Variants in LRRC34 observed in about 807,000 individuals in gnomAD.
The protein encoded by LRRC34 is leucine rich repeat containing 34.
A neutral mutation model predicts 48.5 loss-of-function variants in LRRC34; 44 were observed. The ratio of observed to expected loss-of-function variants is 0.91; its 90% CI spans 0.71 to 1.17. The LOEUF is 1.17. LRRC34 is among the 50% of genes most tolerant of loss of function. The pLI, the probability that LRRC34 is intolerant of heterozygous loss-of-function variation, is 0.00. For missense variants in LRRC34, 502 were observed against 563.0 expected (o/e 0.89, Z 1.10); for synonymous variants, 192 against 197.6 (o/e 0.97, Z 0.24).
intron 7 of LRRC34, among the ~76,000 whole-genome samples, chr3:169,798,859 C>T (rs929870704): frequency 1.3e-5 from 2 of 152,104 alleles, no homozygotes; most frequent in African/African-American, 4.8e-5. Context: ...CATGGCACCC[C>T]GGGCATATCA....
rs1778864452 is a variant in LRRC34 at position 169,793,398 on chromosome 3, C to G, written c.*237G>C. On this transcript the variant is annotated 3_prime_UTR_variant, in exon 11 of 11. Transcript: ENST00000446859. The stretch of plus-strand genomic sequence containing the variant: ...TATAAAAAGAAATTTAGTCTAGTTC[C>G]TTGGTCTCTTTCTCCAGGGTTAGAA... 2.7e-6 allele frequency: 1 copy of G among 369,734 alleles called. No individual in the cohort carries two copies. Among genetic ancestry groups the G allele is most frequent in the African/African-American group, 2.1e-5 (1 of 47,624 alleles). The allele number at this position is 369,734 out of a possible 1,614,324, so 22.9% of individuals were successfully genotyped here. A position where few individuals can be genotyped will look rare whatever the true frequency, so the allele number is the denominator to read the frequency against.
Position 169,795,727 on chromosome 3 carries a change from TACTG to T in LRRC34, c.1065-120_1065-117del, listed in dbSNP as rs377187346. 1.5e-5 allele frequency: 21 copies of T among 1,379,414 alleles called. No individual in the cohort carries two copies. The African/African-American group carries it at 2.8e-4, about 18-fold the overall frequency. 85.4% of individuals were successfully genotyped at this position (1,379,414 alleles called of 1,614,324 possible). A position where few individuals can be genotyped will look rare whatever the true frequency, so the allele number is the denominator to read the frequency against. On this transcript the variant is annotated intron_variant, in intron 9 of 10. Coordinates refer to ENST00000446859, the MANE Select transcript of LRRC34 (RefSeq NM_001172779.2). ...GTATGTTGTAATGTAGTGGTAAAAA[TACTG>T]ACCATTTAATTCCTAAAATCCAAGA...
intron 1 of LRRC34, among the ~76,000 whole-genome samples, chr3:169,810,865 G>A (rs1460142784): frequency 6.6e-6 from 1 of 152,218 alleles, no homozygotes; most frequent in East Asian, 1.9e-4. Flanking sequence ...AGGAGTTCGA[G>A]ACCAGCCTGG....
chr3:169,807,694 GA>G lies in LRRC34; in HGVS notation c.272del (p.Ile91ThrfsTer3), dbSNP rs762500714. 1 of 1,003,592 alleles carries G rather than the reference GA, an allele frequency of 1.0e-6. No individual in the cohort carries two copies. The highest frequency in any genetic ancestry group is 1.4e-6 in the Non-Finnish European group (1 of 693,090). The allele number at this position is 1,003,592 out of a possible 1,614,324, so 62.2% of individuals were successfully genotyped here. A position where few individuals can be genotyped will look rare whatever the true frequency, so the allele number is the denominator to read the frequency against. On this transcript the variant is annotated frameshift_variant, in exon 3 of 11. Transcript: ENST00000446859. LOFTEE classifies it high-confidence loss of function. ...GATTGTTACCAGCAATGTTTAATGT[GA>G]TTCCTGCTGCTAGCCTGTTAAAATA... ...EEIKKGLAAGITLNIAGNNRL... is the reference protein window; with the variant it reads ...EEIKKGLAAGXTLNIAGNNRL...
In LRRC34 at chr3:169,806,739, C is replaced by T. The variant is rs889247366; in HGVS notation, c.528+109G>A. 3.8e-5 allele frequency: 23 copies of T among 604,826 alleles called. No homozygotes were observed. In the South Asian group the frequency reaches 6.0e-4, roughly 16 times the overall value. 37.5% of individuals were successfully genotyped at this position (604,826 alleles called of 1,614,324 possible). On this transcript the variant is annotated intron_variant, in intron 5 of 10. Transcript: ENST00000446859. ...TTAAAGTATAATAAAAATATACATT[C>T]CTACAATATTAAAATAAGTTCACTT...
intron 6 of LRRC34, chr3:169,803,839 G>T: frequency 3.0e-6 from 1 of 337,456 alleles, no homozygotes. Flanking sequence ...GAGTTATATA[G>T]ATGGAAGTTT....
At position 169,812,276 on chromosome 3, in the gene LRRC34, G is replaced by T; in HGVS notation, c.139+134C>A. On this transcript the variant is annotated intron_variant, in intron 1 of 10. Coordinates refer to ENST00000446859, the MANE Select transcript of LRRC34 (RefSeq NM_001172779.2). The surrounding 1 kb of genome is among the most constrained non-coding windows in gnomAD (Gnocchi z 4.3). ...CCCCAAACCTCTGGCCACAGCTGGGGTTCCCAGGGGCCCCCCTCCCGCCTC... is the reference window on the plus strand; with the variant it reads ...CCCCAAACCTCTGGCCACAGCTGGGTTTCCCAGGGGCCCCCCTCCCGCCTC... 1 of 1,220,478 alleles carries T rather than the reference G, an allele frequency of 8.2e-7. No homozygotes were observed. Among genetic ancestry groups the T allele is most frequent in the East Asian group, 3.0e-5 (1 of 33,064 alleles). 75.6% of individuals were successfully genotyped at this position (1,220,478 alleles called of 1,614,324 possible). A position where few individuals can be genotyped will look rare whatever the true frequency, so the allele number is the denominator to read the frequency against.
intron 2 of LRRC34, 105 bp from the exon 3 acceptor site, chr3:169,807,814 A>G: frequency 3.1e-6 from 4 of 1,274,316 alleles, no homozygotes; most frequent in Admixed American, 3.2e-5. Context: ...CATATCACAG[A>G]TATCATTTAC....
Position 169,807,695 on chromosome 3 carries a change from ATTCCTGCTGCTAGCCTGTT to A in LRRC34, c.258-5_271del. The A allele has an allele frequency of 3.1e-6, 3 of 979,682 alleles. No homozygotes were observed. 60.7% of individuals were successfully genotyped at this position (979,682 alleles called of 1,614,324 possible). ...ATTGTTACCAGCAATGTTTAATGTG[ATTCCTGCTGCTAGCCTGTT>A]AAAATACAAAAAAAAAAAAAAAAAA... On this transcript the variant is annotated splice_acceptor_variant and splice_polypyrimidine_tract_variant and coding_sequence_variant and intron_variant, in exon 3 of 11. Transcript: ENST00000446859. LOFTEE classifies it high-confidence loss of function.
At position 169,807,598 on chromosome 3, in the gene LRRC34, C is replaced by T. The variant is rs1363714832; in HGVS notation, c.369G>A (p.Leu123=). 1.9e-6 allele frequency: 3 copies of T among 1,611,476 alleles called. No homozygotes were observed. The highest frequency in any genetic ancestry group is 1.1e-5 in the South Asian group (1 of 90,418). ...WILSKILKNC[L]YINGLDVGYN... is the part of the protein sequence containing the mutation. ...CTTATGGAAACATACCATTAATATA[C>T]AGACAATTCTTTAAAATTTTGGAAA... Residue 123 remains leucine (L), a synonymous_variant, in exon 3 of 11, where the codon CTG becomes CTA. Coordinates refer to ENST00000446859, the MANE Select transcript of LRRC34 (RefSeq NM_001172779.2).
At chr3:169,795,336 T>C (rs1277974688) in intron 10 of LRRC34, 149 bp downstream of exon 10, 4 of 722,726 alleles carry the variant, frequency 5.5e-6, no homozygotes, top group South Asian at 2.8e-5. Flanking sequence ...CACCAAACTC[T>C]CTAGTAGTTA....
chr3:169,807,809 C>T, intron 2 of LRRC34, 100 bp from the exon 3 acceptor site: 4 of 1,283,080 alleles, frequency 3.1e-6, no homozygotes, highest in Non-Finnish European at 4.1e-6. Flanking sequence ...ATAGTCATAT[C>T]ACAGATATCA....
At chr3:169,807,356 A>C in intron 4 of LRRC34, 70 bp downstream of exon 4, 1 of 1,381,672 alleles carries the variant, frequency 7.2e-7, no homozygotes, top group Non-Finnish European at 1.0e-6. Context: ...CTAGTGTTTT[A>C]TGTGTGTGTC....
intron 5 of LRRC34, among the ~76,000 whole-genome samples, chr3:169,805,520 C>T (rs1034274970): frequency 5.9e-5 from 9 of 152,084 alleles, no homozygotes; most frequent in South Asian, 2.1e-4. Context: ...ATCTTATGTT[C>T]GAGGTTTGGA....
intron 1 of LRRC34, among the ~76,000 whole-genome samples, chr3:169,809,402 C>G (rs1263190195): frequency 6.6e-6 from 1 of 152,078 alleles, no homozygotes; most frequent in Non-Finnish European, 1.5e-5. Flanking sequence ...CATACCAAAT[C>G]GAGGCCTGGC....
intron 10 of LRRC34, 29 bp from the exon 11 acceptor site, chr3:169,793,867 A>AT (rs1397643255): frequency 6.7e-7 from 1 of 1,498,284 alleles, no homozygotes; most frequent in African/African-American, 1.4e-5. Context: ...AAACTATATC[A>AT]TTAAGAAAAA....
intron 10 of LRRC34, 26 bp downstream of exon 10, chr3:169,795,459 A>G: frequency 1.3e-6 from 2 of 1,581,620 alleles, no homozygotes; most frequent in Non-Finnish European, 8.6e-7. Flanking sequence ...AAAAGCCTTC[A>G]GTGAAGGAAA....
intron 6 of LRRC34, among the ~76,000 whole-genome samples, chr3:169,802,033 C>T (rs1247464714): frequency 6.6e-6 from 1 of 152,164 alleles, no homozygotes; most frequent in South Asian, 2.1e-4. Context: ...AACTCCTGGG[C>T]TCAGGCAATC....
chr3:169,797,222 C>T (rs1779027912), intron 7 of LRRC34, among the ~76,000 whole-genome samples: 1 of 152,066 alleles, frequency 6.6e-6, no homozygotes, highest in African/African-American at 2.4e-5. Flanking sequence ...TTGGTCCCAT[C>T]ATGTATTGAG....
Sources: gnomAD v4.1 joint callset for allele counts (sites outside exome capture counted in the v4.1 genomes callset) on GRCh38, gnomAD v4.1.1 for gene constraint, Gnocchi (gnomAD v3.1) non-coding constraint, MANE v1.5 for transcripts, NCBI Gene and HGNC (gene_info 2026-07-23, HGNC 2026-07-21) for gene names.